Variants in KLF12 observed in about 807,000 individuals in gnomAD.
KLF12 encodes KLF transcription factor 12.
In KLF12, 9 loss-of-function variants were observed where a neutral mutation model predicts 37.8. The ratio of observed to expected loss-of-function variants is 0.24; its 90% CI spans 0.14 to 0.42. The LOEUF (loss-of-function observed/expected upper bound fraction) is 0.42, where lower values mean the gene tolerates loss of function less well. Ranked by LOEUF, KLF12 falls within the 10% of genes least tolerant of loss-of-function variation. The pLI is 1.00. For synonymous variants in KLF12, 208 were observed against 202.1 expected, an observed-to-expected ratio of 1.03 and a Z score of -0.25; for missense variants, 411 against 516.0, an observed-to-expected ratio of 0.80 and a Z score of 1.97.
In KLF12 at chr13:73,689,156, T is replaced by C. The variant is rs1258708221; in HGVS notation, c.*6334A>G. 6.6e-6 allele frequency: 1 copy of C among 152,140 alleles called. No individual in the cohort carries two copies. Among genetic ancestry groups the C allele is most frequent in the African/African-American group, 2.4e-5 (1 of 41,432 alleles). 9.4% of individuals were successfully genotyped at this position (152,140 alleles called of 1,614,324 possible). A position where few individuals can be genotyped will look rare whatever the true frequency, so the allele number is the denominator to read the frequency against. On this transcript the variant is annotated 3_prime_UTR_variant, in exon 8 of 8. Transcript: ENST00000377669. ...AGACAACACATGGTAAGAAGCCCAGTCAGAAGACTTGACTTCAGTGAGATT... is the reference window on the plus strand; with the variant it reads ...AGACAACACATGGTAAGAAGCCCAGCCAGAAGACTTGACTTCAGTGAGATT...
intron 3 of KLF12, among the ~76,000 whole-genome samples, chr13:73,866,918 C>T (rs1886204193): frequency 6.6e-6 from 1 of 151,740 alleles, no homozygotes; most frequent in African/African-American, 2.4e-5. Context: ...TAAAATGTCC[C>T]AAGATCTCTG....
intron 3 of KLF12, among the ~76,000 whole-genome samples, chr13:73,929,869 G>C (rs1316985554): frequency 1.3e-5 from 2 of 152,150 alleles, no homozygotes; most frequent in Non-Finnish European, 2.9e-5. Flanking sequence ...CCATATCCTA[G>C]CAGCAAGAGA....
chr13:74,222,543 C>T, the KLF12 span, among the ~76,000 whole-genome samples: 1 of 152,130 alleles, frequency 6.6e-6, no homozygotes, highest in East Asian at 1.9e-4. Flanking sequence ...CAACTTTATT[C>T]CCCTTATTTT....
intron 5 of KLF12, among the ~76,000 whole-genome samples, chr13:73,794,689 A>G (rs140506633): frequency 2.2e-4 from 33 of 152,218 alleles, no homozygotes; most frequent in African/African-American, 7.9e-4. Context: ...AATTTCAAAA[A>G]CTTAACCCTT....
the KLF12 span, among the ~76,000 whole-genome samples, chr13:74,231,979 G>T: frequency 0.22 from 34,039 of 152,014 alleles, 6,526 homozygotes; most frequent in African/African-American, 0.52. Flanking sequence ...ATTTAGTTTT[G>T]GGGGGTCTGA....
intron 3 of KLF12, among the ~76,000 whole-genome samples, chr13:73,919,864 C>A (rs1889030845): frequency 6.6e-6 from 1 of 152,130 alleles, no homozygotes; most frequent in Non-Finnish European, 1.5e-5. Context: ...AGATTCTGAA[C>A]CCTTAACTGA....
chr13:73,761,337 T>A (rs969623276), intron 6 of KLF12, among the ~76,000 whole-genome samples: 1 of 152,148 alleles, frequency 6.6e-6, no homozygotes, highest in Non-Finnish European at 1.5e-5. Flanking sequence ...TATTATGAGC[T>A]ACAGGCAATG....
chr13:73,908,249 A>C (rs1271672030), intron 3 of KLF12, among the ~76,000 whole-genome samples: 1 of 151,382 alleles, frequency 6.6e-6, no homozygotes, highest in East Asian at 2.0e-4. Flanking sequence ...AAAAATACAA[A>C]AATTAGCTGG....
At chr13:74,178,436 G>A in the KLF12 span, among the ~76,000 whole-genome samples, 354 of 152,268 alleles carry the variant, frequency 2.3e-3, no homozygotes, top group African/African-American at 8.1e-3. Flanking sequence ...ATATAAGCAG[G>A]CAATTAGTAG....
At chr13:74,222,611 A>G in the KLF12 span, among the ~76,000 whole-genome samples, 1 of 152,220 alleles carries the variant, frequency 6.6e-6, no homozygotes, top group South Asian at 2.1e-4. Context: ...AAAGCTTTAG[A>G]ATCAGTGGAC....
intron 1 of KLF12, among the ~76,000 whole-genome samples, chr13:74,085,274 G>A (rs1171918330): frequency 6.6e-6 from 1 of 152,170 alleles, no homozygotes; most frequent in Non-Finnish European, 1.5e-5. Flanking sequence ...CTCATCACCT[G>A]CCCCAAGGGT....
upstream of KLF12, among the ~76,000 whole-genome samples, chr13:74,135,320 G>A (rs1325050906): frequency 2.6e-5 from 4 of 151,916 alleles, no homozygotes; most frequent in African/African-American, 9.7e-5. Flanking sequence ...CGCGGGGCCC[G>A]GGGGCGGCGG....
intron 2 of KLF12, among the ~76,000 whole-genome samples, chr13:73,957,044 AG>A (rs1374742275): frequency 1.1e-4 from 5 of 44,880 alleles, no homozygotes; most frequent in East Asian, 4.5e-3. Flanking sequence ...AGGAAAGGAA[AG>A]GAAAGGAAAG....
chr13:73,989,367 A>G (rs1891904791), intron 2 of KLF12, among the ~76,000 whole-genome samples: 1 of 152,232 alleles, frequency 6.6e-6, no homozygotes, highest in African/African-American at 2.4e-5. Flanking sequence ...GACCTATTCA[A>G]TGACCCTTTG....
At chr13:74,020,656 C>T (rs1421181125) in intron 1 of KLF12, among the ~76,000 whole-genome samples, 13 of 151,898 alleles carry the variant, frequency 8.6e-5, no homozygotes, top group South Asian at 2.1e-4. Flanking sequence ...TTTGGGAGGC[C>T]GAGGCGGGTG....
At chr13:74,240,998 C>G in the KLF12 span, among the ~76,000 whole-genome samples, 1 of 152,168 alleles carries the variant, frequency 6.6e-6, no homozygotes, top group South Asian at 2.1e-4. Context: ...GAACTGCGTT[C>G]CTTTGGAGGA....
rs532489423 is a variant in KLF12, at chr13:74,089,829, T to C, written c.-32+43910A>G. 2.7e-3 allele frequency among the ~76,000 whole-genome samples: 373 copies of C among 140,018 alleles called. 4 individuals carry two copies. Among genetic ancestry groups the C allele is most frequent in the Middle Eastern group, 0.016 (4 of 258 alleles). 91.9% of individuals were successfully genotyped at this position (140,018 alleles called of 152,430 possible). On this transcript the variant is annotated intron_variant, in intron 1 of 7. Transcript: ENST00000377669. ...AAAAAAAAAAAAAAAAAAACAACCA[T>C]GGCTAGTATCATACTTAAAGGTGAA...
chr13:74,302,328 C>T, the KLF12 span, among the ~76,000 whole-genome samples: 1 of 152,124 alleles, frequency 6.6e-6, no homozygotes, highest in Admixed American at 6.5e-5. Flanking sequence ...GTGAACTTCA[C>T]TTACAAAAAT....
At chr13:74,058,353 CTTT>C (rs55954411) in intron 1 of KLF12, among the ~76,000 whole-genome samples, 11 of 72,646 alleles carry the variant, frequency 1.5e-4, no homozygotes, top group African/African-American at 2.5e-4. Context: ...ATAATTTTAT[CTTT>C]TTTTTTTTTT....
Sources: gnomAD v4.1 joint callset for allele counts (sites outside exome capture counted in the v4.1 genomes callset) on GRCh38, gnomAD v4.1.1 for gene constraint, MANE v1.5 for transcripts, NCBI Gene and HGNC (gene_info 2026-07-23, HGNC 2026-07-21) for gene names.